The following HEMK2 variants were observed in gnomAD, a reference collection of about 807,000 sequenced individuals.
The protein encoded by HEMK2 is methyltransferase HEMK2.
the HEMK2 span, among the ~76,000 whole-genome samples, chr21:28,765,003 G>A: frequency 2.0e-5 from 3 of 152,068 alleles, no homozygotes; most frequent in Non-Finnish European, 2.9e-5. Context: ...CAGGACCTGT[G>A]ACTTGCTTCT....
the HEMK2 span, among the ~76,000 whole-genome samples, chr21:28,703,172 T>C: frequency 6.6e-6 from 1 of 151,814 alleles, no homozygotes; most frequent in African/African-American, 2.4e-5. Flanking sequence ...GGAAAGAGAC[T>C]AGGAGGAGGA....
chr21:28,647,646 G>C, the HEMK2 span, among the ~76,000 whole-genome samples: 5 of 152,076 alleles, frequency 3.3e-5, no homozygotes, highest in African/African-American at 1.2e-4. Flanking sequence ...CTGGAACCAC[G>C]CATTGCCTGT....
At chr21:28,860,387 C>T in the HEMK2 span, among the ~76,000 whole-genome samples, 1 of 151,900 alleles carries the variant, frequency 6.6e-6, no homozygotes, top group African/African-American at 2.4e-5. Flanking sequence ...CCTCAGCCTA[C>T]AGACAGCCTA....
the HEMK2 span, among the ~76,000 whole-genome samples, chr21:28,753,206 A>C: frequency 6.6e-6 from 1 of 152,010 alleles, no homozygotes; most frequent in East Asian, 1.9e-4. Flanking sequence ...AAAATAACAA[A>C]ATTAGCCAGG....
the HEMK2 span, among the ~76,000 whole-genome samples, chr21:28,704,124 C>T: frequency 6.6e-6 from 1 of 152,188 alleles, no homozygotes; most frequent in Non-Finnish European, 1.5e-5. Context: ...GGTCATGTTT[C>T]TAGCACCTTC....
the HEMK2 span, among the ~76,000 whole-genome samples, chr21:28,845,828 T>C: frequency 2.6e-5 from 4 of 152,168 alleles, no homozygotes; most frequent in African/African-American, 9.6e-5. Context: ...AAGGGGTACG[T>C]GTGCAGATTT....
At chr21:28,842,039 T>G in the HEMK2 span, among the ~76,000 whole-genome samples, 1 of 152,160 alleles carries the variant, frequency 6.6e-6, no homozygotes. Context: ...CGATAAACTG[T>G]AACTGTAACT....
At chr21:28,876,782 G>C in the HEMK2 span, among the ~76,000 whole-genome samples, 2 of 151,986 alleles carry the variant, frequency 1.3e-5, no homozygotes, top group African/African-American at 4.8e-5. Context: ...TATAGCAAGT[G>C]ATCAGTTTTT....
At chr21:28,809,853 C>A in the HEMK2 span, among the ~76,000 whole-genome samples, 4,862 of 152,168 alleles carry the variant, frequency 0.032, 158 homozygotes, top group Non-Finnish European at 0.046. Flanking sequence ...AAGGGAGTAT[C>A]ACCTTTAAAA....
chr21:28,757,112 C>T, the HEMK2 span, among the ~76,000 whole-genome samples: 2 of 152,134 alleles, frequency 1.3e-5, no homozygotes, highest in African/African-American at 4.8e-5. Context: ...AGTAAAGATG[C>T]TACACCGTAC....
the HEMK2 span, among the ~76,000 whole-genome samples, chr21:28,761,009 T>C: frequency 6.6e-6 from 1 of 152,170 alleles, no homozygotes; most frequent in Non-Finnish European, 1.5e-5. Context: ...CCTTAAATTA[T>C]ACATAATCAG....
chr21:28,788,744 TG>T, the HEMK2 span, among the ~76,000 whole-genome samples: 1 of 151,100 alleles, frequency 6.6e-6, no homozygotes, highest in Non-Finnish European at 1.5e-5. Context: ...TGTCCTGGGT[TG>T]AACAGTATTC....
At chr21:28,599,550 A>C in the HEMK2 span, among the ~76,000 whole-genome samples, 1 of 152,172 alleles carries the variant, frequency 6.6e-6, no homozygotes, top group African/African-American at 2.4e-5. Flanking sequence ...ACTCAAAATG[A>C]CATTTGGGTG....
the HEMK2 span, among the ~76,000 whole-genome samples, chr21:28,640,194 G>A: frequency 4.6e-5 from 7 of 152,304 alleles, no homozygotes; most frequent in South Asian, 2.1e-4. Context: ...TGAGAGTTCC[G>A]AACAGTGTGG....
chr21:28,655,879 T>C, the HEMK2 span, among the ~76,000 whole-genome samples: 4 of 152,178 alleles, frequency 2.6e-5, no homozygotes, highest in Admixed American at 2.6e-4. Context: ...TAATTACAAT[T>C]AATAGGACTT....
chr21:28,645,770 T>C, the HEMK2 span, among the ~76,000 whole-genome samples: 1 of 152,194 alleles, frequency 6.6e-6, no homozygotes, highest in Admixed American at 6.5e-5. Flanking sequence ...CCTCTCATCA[T>C]GTGAGGACAC....
chr21:28,857,489 T>C, the HEMK2 span, among the ~76,000 whole-genome samples: 8 of 152,188 alleles, frequency 5.3e-5, no homozygotes, highest in Admixed American at 5.2e-4. Context: ...ACCTGTGTAA[T>C]TCTGAAAGAG....
At chr21:28,790,888 C>T in the HEMK2 span, among the ~76,000 whole-genome samples, 4 of 149,868 alleles carry the variant, frequency 2.7e-5, no homozygotes, top group Non-Finnish European at 4.4e-5. Context: ...TGCTAAATGA[C>T]GAGTTAATGG....
chr21:28,621,362 T>C, the HEMK2 span, among the ~76,000 whole-genome samples: 1 of 152,226 alleles, frequency 6.6e-6, no homozygotes, highest in Non-Finnish European at 1.5e-5. Context: ...AGTTTCCGTG[T>C]AGTTGTGTGG....
Sources: gnomAD v4.1 joint callset for allele counts (sites outside exome capture counted in the v4.1 genomes callset) on GRCh38, gnomAD v4.1.1 for gene constraint, MANE v1.5 for transcripts, NCBI Gene and HGNC (gene_info 2026-07-23, HGNC 2026-07-21) for gene names.